The following FBXO31 variants were observed in gnomAD, a reference collection of about 807,000 sequenced individuals.
The protein encoded by FBXO31 is F-box only protein 31.
In FBXO31, 24 loss-of-function variants were observed where a neutral mutation model predicts 54.4. The ratio of observed to expected loss-of-function variants is 0.44; its 90% CI spans 0.32 to 0.62. FBXO31 has a LOEUF of 0.62. Ranked by LOEUF, FBXO31 falls within the 20% of genes least tolerant of loss-of-function variation. FBXO31 has a pLI of 0.05. For synonymous variants in FBXO31, 388 were observed against 335.6 expected, an observed-to-expected ratio of 1.16 and a Z score of -1.71; for missense variants, 665 against 787.1, an observed-to-expected ratio of 0.84 and a Z score of 1.86.
chr16:87,390,163 C>A (rs1183336423), upstream of FBXO31, among the ~76,000 whole-genome samples: 1 of 152,100 alleles, frequency 6.6e-6, no homozygotes, highest in Non-Finnish European at 1.5e-5. Flanking sequence ...CACCTGTATT[C>A]CCAGCTACTG....
chr16:87,344,499 A>C (rs1254465326), intron 3 of FBXO31, among the ~76,000 whole-genome samples: 1 of 152,198 alleles, frequency 6.6e-6, no homozygotes, highest in Non-Finnish European at 1.5e-5. Context: ...GAGAGCTGGG[A>C]CCCATGAGAC....
chr16:87,355,852 A>G (rs1013173187), intron 2 of FBXO31, among the ~76,000 whole-genome samples: 3 of 152,174 alleles, frequency 2.0e-5, no homozygotes, highest in Non-Finnish European at 2.9e-5. Context: ...GCAACTCTGA[A>G]GACTCGCTAG....
chr16:87,373,395 T>C (rs1292570598), intron 1 of FBXO31, among the ~76,000 whole-genome samples: 1 of 152,010 alleles, frequency 6.6e-6, no homozygotes, highest in Non-Finnish European at 1.5e-5. Flanking sequence ...GAGCTTGCAG[T>C]GAGCCGAGAT....
chr16:87,346,733 G>T lies in FBXO31; in HGVS notation c.489+441C>A, dbSNP rs1905403605. 6.6e-6 allele frequency among the ~76,000 whole-genome samples: 1 copy of T among 152,236 alleles called. No individual in the cohort carries two copies. The highest frequency in any genetic ancestry group is 1.5e-5 in the Non-Finnish European group (1 of 68,046). The stretch of plus-strand genomic sequence containing the variant: ...CCGTTCGAGAGGCTCCAGTAGGAGG[G>T]CACAGGGGGCGGGAGGCAGGGTGGT... On this transcript the variant is annotated intron_variant, in intron 3 of 8. Transcript: ENST00000311635. This position sits in a 1 kb window ranked among gnomAD's most constrained non-coding sequence, Gnocchi z 4.2.
chr16:87,383,299 T>TCA lies in FBXO31; in HGVS notation c.340+105_340+106insTG. On this transcript the variant is annotated intron_variant, in intron 1 of 8. Transcript: ENST00000311635. This position sits in a 1 kb window ranked among gnomAD's most constrained non-coding sequence, Gnocchi z 4.9. The stretch of plus-strand genomic sequence containing the variant: ...CACATCGCCGGGCCCCGCGCCCAAC[T>TCA]GGTGGCCCCCGGCCGGGGCCACCGC... 1 of 1,096,628 alleles carries TCA rather than the reference T, an allele frequency of 9.1e-7. No individual in the cohort carries two copies. 67.9% of individuals were successfully genotyped at this position (1,096,628 alleles called of 1,614,324 possible). A position where few individuals can be genotyped will look rare whatever the true frequency, so the allele number is the denominator to read the frequency against.
rs1006915252 is a variant in FBXO31, at chr16:87,338,436, C to A, written c.733-2172G>T. 2.2e-5 allele frequency among the ~76,000 whole-genome samples: 3 copies of A among 138,934 alleles called. No homozygotes were observed. Among genetic ancestry groups the A allele is most frequent in the African/African-American group, 8.3e-5 (3 of 36,324 alleles). 91.1% of individuals were successfully genotyped at this position (138,934 alleles called of 152,430 possible). A position where few individuals can be genotyped will look rare whatever the true frequency, so the allele number is the denominator to read the frequency against. ...TCCCTTCTCTGCTCCTTTCACAGGT[C>A]TGAGATTTCCAAAAGCCTCAGTCTT... On this transcript the variant is annotated intron_variant, in intron 5 of 8. Coordinates refer to ENST00000311635, the MANE Select transcript of FBXO31 (RefSeq NM_024735.5). This position sits in a 1 kb window ranked among gnomAD's most constrained non-coding sequence, Gnocchi z 4.3.
upstream of FBXO31, chr16:87,389,898 C>G (rs1907462291): frequency 6.6e-6 from 1 of 152,194 alleles, no homozygotes; most frequent in Non-Finnish European, 1.5e-5. Flanking sequence ...AATTGTATGA[C>G]TATCAGAGAT....
upstream of FBXO31, among the ~76,000 whole-genome samples, chr16:87,390,991 AC>A (rs1287423307): frequency 7.0e-6 from 1 of 143,796 alleles, no homozygotes; most frequent in African/African-American, 2.4e-5. Flanking sequence ...AAAGGCTTTT[AC>A]AAAGTCAAAA....
intron 1 of FBXO31, among the ~76,000 whole-genome samples, chr16:87,364,226 C>T (rs1383865363): frequency 6.6e-6 from 1 of 152,240 alleles, no homozygotes; most frequent in Non-Finnish European, 1.5e-5. Flanking sequence ...GGAGCTCATC[C>T]CACAAGACGC....
intron 2 of FBXO31, among the ~76,000 whole-genome samples, chr16:87,356,698 T>G (rs918429516): frequency 1.3e-5 from 2 of 152,158 alleles, no homozygotes; most frequent in South Asian, 2.1e-4. Flanking sequence ...GGCAGGACAT[T>G]AGGTGAAATT....
In FBXO31 at chr16:87,377,046, A is replaced by G. The variant is rs554505566; in HGVS notation, c.340+6359T>C. On this transcript the variant is annotated intron_variant, in intron 1 of 8. Transcript: ENST00000311635. ...ATGAGGTGGAATTAAAGCTGCCACA[A>G]TGAACTCGTGAAACTGAAAATCTAG... Among the ~76,000 whole-genome samples the G allele has an allele frequency of 1.1e-4, 16 of 152,374 alleles. No homozygotes were observed. The South Asian group carries it at 2.9e-3, about 28-fold the overall frequency.
intron 1 of FBXO31, among the ~76,000 whole-genome samples, chr16:87,371,478 C>T (rs1301399846): frequency 6.6e-6 from 1 of 152,272 alleles, no homozygotes; most frequent in Non-Finnish European, 1.5e-5. Flanking sequence ...CACCCAGGAC[C>T]TTCCCGAGAT....
chr16:87,349,964 G>A lies in FBXO31; in HGVS notation c.413-2714C>T, dbSNP rs564584341. Among the ~76,000 whole-genome samples the A allele has an allele frequency of 1.1e-3, 167 of 151,578 alleles. 1 individual carries two copies. Among genetic ancestry groups the A allele is most frequent in the Non-Finnish European group, 1.6e-3 (107 of 67,952 alleles). On this transcript the variant is annotated intron_variant, in intron 2 of 8. Coordinates refer to ENST00000311635, the MANE Select transcript of FBXO31 (RefSeq NM_024735.5). ...AAGCAGCACATACACAGTCACTGAA[G>A]ACAATTTAGAAAAAGGAAACCTAAA...
chr16:87,364,298 A>C (rs1042819696), intron 1 of FBXO31, among the ~76,000 whole-genome samples: 10 of 152,196 alleles, frequency 6.6e-5, no homozygotes, highest in Non-Finnish European at 1.2e-4. Context: ...ACGAAGCTCA[A>C]AAGGGGCTAG....
rs762128060 is a variant in FBXO31, at chr16:87,331,335, G to C, written c.1573C>G (p.Gln525Glu). Residue 525 changes from glutamine to glutamate, a missense_variant, in exon 9 of 9, where the codon CAG (glutamine) becomes GAG (glutamate). This residue lies in a region of FBXO31 where 71 missense variants were observed against 105.8 expected (regional missense o/e 0.67). Coordinates refer to ENST00000311635, the MANE Select transcript of FBXO31 (RefSeq NM_024735.5). ...TFRNADAPSP[Q>E]AFDEMLKNIQ... ...TTCTTGAGCATCTCATCGAAGGCCT[G>C]TGGGGACGGCGCATCTGCGTTCCGG... The C allele has an allele frequency of 6.2e-7, 1 of 1,614,054 alleles. No homozygotes were observed. The highest frequency in any genetic ancestry group is 1.1e-5 in the South Asian group (1 of 91,082).
intron 1 of FBXO31, among the ~76,000 whole-genome samples, chr16:87,374,051 G>A (rs1008683627): frequency 3.3e-5 from 5 of 151,974 alleles, no homozygotes; most frequent in Non-Finnish European, 4.4e-5. Flanking sequence ...ACCAGCCCGG[G>A]CAACACTGTG....
chr16:87,333,640 C>T (rs1007420037), intron 8 of FBXO31, among the ~76,000 whole-genome samples: 6 of 152,226 alleles, frequency 3.9e-5, no homozygotes, highest in Non-Finnish European at 7.3e-5. Flanking sequence ...CCCTGCAGCT[C>T]TGAGGTACCC....
At chr16:87,377,749 A>G (rs1906886183) in intron 1 of FBXO31, among the ~76,000 whole-genome samples, 1 of 151,896 alleles carries the variant, frequency 6.6e-6, no homozygotes, top group Non-Finnish European at 1.5e-5. Flanking sequence ...GGATTACTTC[A>G]GCCAGGGAGG....
Position 87,336,062 on chromosome 16 carries a change from A to C in FBXO31, c.842+93T>G. The C allele has an allele frequency of 9.7e-7, 1 of 1,029,058 alleles. No individual in the cohort carries two copies. 63.7% of individuals were successfully genotyped at this position (1,029,058 alleles called of 1,614,324 possible). ...CTGAACCCCAGCACCCACTGAGACA[A>C]AGGACTATGCCCCAGCACCCACCGG... On this transcript the variant is annotated intron_variant, in intron 6 of 8. Coordinates refer to ENST00000311635, the MANE Select transcript of FBXO31 (RefSeq NM_024735.5). This position sits in a 1 kb window ranked among gnomAD's most constrained non-coding sequence, Gnocchi z 6.5.
Sources: gnomAD v4.1 joint callset for allele counts (sites outside exome capture counted in the v4.1 genomes callset) on GRCh38, gnomAD v4.1.1 for gene constraint, gnomAD v4.1.1 regional missense constraint, Gnocchi (gnomAD v3.1) non-coding constraint, MANE v1.5 for transcripts, NCBI Gene and HGNC (gene_info 2026-07-23, HGNC 2026-07-21) for gene names.